DNAJC1: variants seen among roughly 807,000 people sequenced by gnomAD.
DNAJC1 encodes dnaJ homolog subfamily C member 1.
A neutral mutation model predicts 76.6 loss-of-function variants in DNAJC1; 58 were observed. The ratio of observed to expected loss-of-function variants is 0.76; its 90% CI spans 0.61 to 0.94. The LOEUF (loss-of-function observed/expected upper bound fraction) is 0.94, where lower values mean the gene tolerates loss of function less well. Among genes scored for constraint, DNAJC1 ranks in the 40% least tolerant of loss-of-function variants. The pLI is 0.00. For missense variants in DNAJC1, 689 were observed against 677.3 expected (o/e 1.02, Z -0.19); for synonymous variants, 258 against 267.9 (o/e 0.96, Z 0.36).
intron 8 of DNAJC1, among the ~76,000 whole-genome samples, chr10:21,861,177 AG>A (rs1483262266): frequency 2.0e-5 from 3 of 152,220 alleles, no homozygotes; most frequent in African/African-American, 7.2e-5. Context: ...AAAGATTCTA[AG>A]CCCATTGCAT....
At chr10:21,929,886 T>C (rs1394575538) in intron 1 of DNAJC1, among the ~76,000 whole-genome samples, 1 of 152,232 alleles carries the variant, frequency 6.6e-6, no homozygotes, top group Non-Finnish European at 1.5e-5. Context: ...ACATTTTATA[T>C]AATCCTGTGT....
At chr10:21,929,179 CTT>C (rs746095775) in intron 1 of DNAJC1, 38 bp from the exon 2 acceptor site, 3 of 1,447,612 alleles carry the variant, frequency 2.1e-6, no homozygotes, top group East Asian at 2.3e-5. Flanking sequence ...ACAAAGCAAA[CTT>C]TGTCAGAAAA....
chr10:21,770,793 CA>C (rs1834365678), intron 9 of DNAJC1, among the ~76,000 whole-genome samples: 1 of 152,126 alleles, frequency 6.6e-6, no homozygotes, highest in South Asian at 2.1e-4. Flanking sequence ...GTTGCTTTTT[CA>C]CTTTCTTGAT....
intron 9 of DNAJC1, among the ~76,000 whole-genome samples, chr10:21,793,033 C>T (rs1044477610): frequency 4.6e-5 from 7 of 151,694 alleles, no homozygotes; most frequent in South Asian, 2.1e-4. Context: ...AGCCTGGGCA[C>T]GGTGGCTCAT....
intron 6 of DNAJC1, among the ~76,000 whole-genome samples, chr10:21,909,921 C>T (rs1836827180): frequency 6.6e-6 from 1 of 152,152 alleles, no homozygotes; most frequent in Admixed American, 6.5e-5. Context: ...CAGAAACAGA[C>T]TAAGGTCTAT....
intron 5 of DNAJC1, 136 bp from the exon 6 acceptor site, chr10:21,919,008 T>G: frequency 1.6e-6 from 1 of 625,730 alleles, no homozygotes; most frequent in Middle Eastern, 2.6e-4. Context: ...GAAGAAAGTA[T>G]GCACTGAAAT....
chr10:21,808,329 C>A (rs991032264), intron 8 of DNAJC1, among the ~76,000 whole-genome samples: 1 of 151,968 alleles, frequency 6.6e-6, no homozygotes, highest in African/African-American at 2.4e-5. Flanking sequence ...ACATTAAAAA[C>A]AAATCTGATT....
intron 1 of DNAJC1, among the ~76,000 whole-genome samples, chr10:21,976,066 C>T (rs1312503281): frequency 1.3e-5 from 2 of 152,118 alleles, no homozygotes; most frequent in Non-Finnish European, 1.5e-5. Flanking sequence ...GCAGCTTTAT[C>T]TATATTACAG....
At position 21,994,740 on chromosome 10, in the gene DNAJC1, G is replaced by A. The variant is rs111558027; in HGVS notation, c.222+8473C>T. On this transcript the variant is annotated intron_variant, in intron 1 of 11. Transcript: ENST00000376980. The stretch of plus-strand genomic sequence containing the variant: ...CGGGAGGCAGAGCTTGCAGTAAGCC[G>A]AGATCGCGCCACTGCACTCCAGCCT... Among the ~76,000 whole-genome samples, 353 of 152,072 alleles carry A rather than the reference G, an allele frequency of 2.3e-3. 1 individual carries two copies. The highest frequency in any genetic ancestry group is 8.0e-3 in the African/African-American group (330 of 41,494).
chr10:21,793,879 G>A (rs1834721851), intron 9 of DNAJC1, among the ~76,000 whole-genome samples: 2 of 152,254 alleles, frequency 1.3e-5, no homozygotes, highest in African/African-American at 4.8e-5. Context: ...CTTGAGCCTA[G>A]GAGGTCGAGG....
At chr10:21,921,063 TC>T in intron 3 of DNAJC1, 100 bp from the exon 4 acceptor site, 1 of 1,044,756 alleles carries the variant, frequency 9.6e-7, no homozygotes, top group Non-Finnish European at 1.4e-6. Context: ...AAACAAATTA[TC>T]CAAAATAGAT....
intron 4 of DNAJC1, 144 bp from the exon 5 acceptor site, chr10:21,920,073 T>A (rs565729341): frequency 2.0e-6 from 1 of 508,570 alleles, no homozygotes; most frequent in East Asian, 3.1e-5. Context: ...AGTAAAATCA[T>A]CAATCTTTCA....
chr10:21,776,259 G>A (rs975210501), intron 9 of DNAJC1, among the ~76,000 whole-genome samples: 2 of 152,136 alleles, frequency 1.3e-5, no homozygotes, highest in African/African-American at 2.4e-5. Flanking sequence ...TCTGTTCAAC[G>A]TAAAGAAGAA....
intron 10 of DNAJC1, among the ~76,000 whole-genome samples, chr10:21,761,466 G>A (rs1266852332): frequency 6.6e-6 from 1 of 151,218 alleles, no homozygotes; most frequent in Non-Finnish European, 1.5e-5. Context: ...GGCCGAGGCA[G>A]GAGAATCGCT....
chr10:21,805,838 A>G, intron 9 of DNAJC1, 142 bp downstream of exon 9: 1 of 1,035,240 alleles, frequency 9.7e-7, no homozygotes, highest in Admixed American at 2.1e-5. Context: ...CACTTATTGC[A>G]TTAATGGTTC....
At chr10:21,781,090 T>C (rs867647750) in intron 9 of DNAJC1, among the ~76,000 whole-genome samples, 12 of 152,154 alleles carry the variant, frequency 7.9e-5, no homozygotes, top group African/African-American at 2.9e-4. Flanking sequence ...CCCAGATTCA[T>C]AAAGCAAGTA....
chr10:21,987,901 T>A (rs1245861758), intron 1 of DNAJC1, among the ~76,000 whole-genome samples: 4 of 152,186 alleles, frequency 2.6e-5, no homozygotes, highest in Non-Finnish European at 5.9e-5. Flanking sequence ...CTTGCCCTTG[T>A]GCACATATAA....
chr10:21,779,101 C>T (rs1413205291), intron 9 of DNAJC1, among the ~76,000 whole-genome samples: 2 of 152,218 alleles, frequency 1.3e-5, no homozygotes, highest in African/African-American at 4.8e-5. Flanking sequence ...GGCCAGGAAG[C>T]TCGAACTGGG....
intron 7 of DNAJC1, among the ~76,000 whole-genome samples, chr10:21,898,239 A>G (rs1388499408): frequency 6.6e-6 from 1 of 152,248 alleles, no homozygotes; most frequent in African/African-American, 2.4e-5. Context: ...ATGAAGAAAC[A>G]TACTATATTC....
Sources: gnomAD v4.1 joint callset for allele counts (sites outside exome capture counted in the v4.1 genomes callset) on GRCh38, gnomAD v4.1.1 for gene constraint, MANE v1.5 for transcripts, NCBI Gene and HGNC (gene_info 2026-07-23, HGNC 2026-07-21) for gene names.